The following GRID2 variants were observed in gnomAD, a reference collection of about 807,000 sequenced individuals.
The protein encoded by GRID2 is glutamate receptor ionotropic, delta-2.
GRID2 carries 33 observed loss-of-function variants against 114.8 expected under a neutral mutation model. That is an observed-to-expected ratio of 0.29 (90% confidence interval 0.22 to 0.38). The LOEUF (loss-of-function observed/expected upper bound fraction) is 0.38, where lower values mean the gene tolerates loss of function less well. Among genes scored for constraint, GRID2 ranks in the 10% least tolerant of loss-of-function variants. GRID2 has a pLI of 1.00. For missense variants in GRID2, 1,184 were observed against 1,257.7 expected (o/e 0.94, Z 0.89); for synonymous variants, 505 against 449.9 (o/e 1.12, Z -1.55).
chr4:92,817,264 C>A (rs1458235602), intron 2 of GRID2, among the ~76,000 whole-genome samples: 1 of 151,920 alleles, frequency 6.6e-6, no homozygotes, highest in Non-Finnish European at 1.5e-5. Context: ...TTTAGTTTTT[C>A]ACTGCATTTT....
chr4:92,578,723 T>TCTATCAATCAAC lies in GRID2; in HGVS notation c.89-11403_89-11402insAATCAACCTATC, dbSNP rs1452870556. ...TCAACAACAAAAATATCATTATCTA[T>TCTATCAATCAAC]CTATCTATCAATCTATCTATCTATC... On this transcript the variant is annotated intron_variant, in intron 1 of 15. Transcript: ENST00000282020. Among the ~76,000 whole-genome samples the TCTATCAATCAAC allele has an allele frequency of 3.4e-5, 5 of 146,168 alleles. No homozygotes were observed. In the South Asian group the frequency reaches 1.1e-3, roughly 32 times the overall value.
chr4:92,635,337 T>C (rs1731017108), intron 2 of GRID2, among the ~76,000 whole-genome samples: 1 of 152,114 alleles, frequency 6.6e-6, no homozygotes, highest in Non-Finnish European at 1.5e-5. Context: ...CAGTTGCCCT[T>C]AGACTCCCGA....
chr4:92,667,223 GA>G (rs531784749), intron 2 of GRID2, among the ~76,000 whole-genome samples: 102 of 151,716 alleles, frequency 6.7e-4, no homozygotes, highest in African/African-American at 2.4e-3. Context: ...ATTATTGTCT[GA>G]GTGAGAAAAC....
chr4:92,841,990 A>T (rs1003579081), intron 2 of GRID2, among the ~76,000 whole-genome samples: 11 of 152,114 alleles, frequency 7.2e-5, no homozygotes, highest in Non-Finnish European at 1.5e-4. Flanking sequence ...CCTTAATGCA[A>T]TGCTTCTGGA....
chr4:92,748,527 G>C (rs1737267586), intron 2 of GRID2, among the ~76,000 whole-genome samples: 1 of 151,918 alleles, frequency 6.6e-6, no homozygotes, highest in Non-Finnish European at 1.5e-5. Context: ...TACTTTCACA[G>C]TATATTGTCC....
chr4:93,619,397 T>C (rs1214184895), intron 13 of GRID2, among the ~76,000 whole-genome samples: 1 of 152,204 alleles, frequency 6.6e-6, no homozygotes, highest in African/African-American at 2.4e-5. Context: ...CAATGAATTA[T>C]AAGGACCACT....
At chr4:92,907,793 A>G (rs1016296899) in intron 2 of GRID2, among the ~76,000 whole-genome samples, 1 of 151,928 alleles carries the variant, frequency 6.6e-6, no homozygotes, top group Non-Finnish European at 1.5e-5. Flanking sequence ...GGAGGCCGAC[A>G]TGGGCAGATC....
At chr4:92,958,841 TG>T (rs1752602153) in intron 2 of GRID2, among the ~76,000 whole-genome samples, 1 of 152,032 alleles carries the variant, frequency 6.6e-6, no homozygotes, top group Non-Finnish European at 1.5e-5. Flanking sequence ...TGATTCAATT[TG>T]TTTGGTAAAT....
chr4:92,498,637 A>T (rs1039363054), intron 1 of GRID2, among the ~76,000 whole-genome samples: 1 of 151,938 alleles, frequency 6.6e-6, no homozygotes, highest in African/African-American at 2.4e-5. Flanking sequence ...ATAAATAAAT[A>T]AAACATGACA....
At chr4:92,440,776 G>A (rs978313187) in intron 1 of GRID2, among the ~76,000 whole-genome samples, 3 of 152,062 alleles carry the variant, frequency 2.0e-5, no homozygotes, top group Non-Finnish European at 4.4e-5. Context: ...GGGAAATGGG[G>A]TGAATGTCAG....
chr4:93,386,507 G>A (rs543770494), intron 8 of GRID2, among the ~76,000 whole-genome samples: 2 of 152,260 alleles, frequency 1.3e-5, no homozygotes, highest in South Asian at 4.2e-4. Context: ...GGAGTATTCA[G>A]TAAGACAACA....
intron 13 of GRID2, among the ~76,000 whole-genome samples, chr4:93,598,540 C>G (rs954810447): frequency 2.0e-5 from 3 of 152,142 alleles, no homozygotes; most frequent in African/African-American, 7.2e-5. Flanking sequence ...TTGTTGCTCT[C>G]GTTTCTTTTC....
At chr4:93,010,630 G>T (rs1171923308) in intron 2 of GRID2, among the ~76,000 whole-genome samples, 1 of 152,064 alleles carries the variant, frequency 6.6e-6, no homozygotes. Context: ...TTTGACTATT[G>T]CTGTGAAGAT....
chr4:92,925,485 T>C (rs1749742540), intron 2 of GRID2, among the ~76,000 whole-genome samples: 1 of 152,068 alleles, frequency 6.6e-6, no homozygotes, highest in African/African-American at 2.4e-5. Flanking sequence ...AGAGTATATT[T>C]CCTTTATCCA....
intron 2 of GRID2, among the ~76,000 whole-genome samples, chr4:92,857,577 G>C (rs536211459): frequency 6.6e-6 from 1 of 152,182 alleles, no homozygotes; most frequent in Non-Finnish European, 1.5e-5. Context: ...AAGAGGTAAG[G>C]AAGCTGCAGA....
chr4:93,347,806 G>A (rs1015729035), intron 8 of GRID2, among the ~76,000 whole-genome samples: 2 of 152,028 alleles, frequency 1.3e-5, no homozygotes, highest in Non-Finnish European at 2.9e-5. Flanking sequence ...TCAGTCCCAG[G>A]CAGTTGCACT....
chr4:92,594,972 C>T (rs1299437188), intron 2 of GRID2, among the ~76,000 whole-genome samples: 1 of 151,818 alleles, frequency 6.6e-6, no homozygotes, highest in African/African-American at 2.4e-5. Context: ...TTGTAGAAAT[C>T]CTCAAGTCAA....
At chr4:93,369,431 T>A (rs1335231497) in intron 8 of GRID2, among the ~76,000 whole-genome samples, 1 of 152,186 alleles carries the variant, frequency 6.6e-6, no homozygotes, top group Non-Finnish European at 1.5e-5. Context: ...GGATTTAATA[T>A]CTCTGGGTGA....
intron 1 of GRID2, among the ~76,000 whole-genome samples, chr4:92,375,327 G>A (rs1021715394): frequency 6.6e-6 from 1 of 152,130 alleles, no homozygotes; most frequent in African/African-American, 2.4e-5. Flanking sequence ...GCTAAAAGAA[G>A]TGTGCTTAAC....
Sources: gnomAD v4.1 joint callset for allele counts (sites outside exome capture counted in the v4.1 genomes callset) on GRCh38, gnomAD v4.1.1 for gene constraint, MANE v1.5 for transcripts, NCBI Gene and HGNC (gene_info 2026-07-23, HGNC 2026-07-21) for gene names.